Variants in MAP4K3 observed in about 807,000 individuals in gnomAD.
MAP4K3 encodes mitogen-activated protein kinase kinase kinase kinase 3.
MAP4K3 carries 94 observed loss-of-function variants against 143.5 expected under a neutral mutation model. The observed-to-expected ratio is 0.65, with a 90% CI of 0.55 to 0.78. MAP4K3 has a LOEUF of 0.78. MAP4K3 is among the 30% of genes least tolerant of loss of function. The pLI is 0.00. For synonymous variants in MAP4K3, 416 were observed against 347.2 expected (o/e 1.20, Z -2.20); for missense variants, 1,077 against 1,068.1 (o/e 1.01, Z -0.12).
At chr2:39,268,632 C>CTCTTTTTTTTT (rs1389888924) in intron 26 of MAP4K3, among the ~76,000 whole-genome samples, 1 of 45,736 alleles carries the variant, frequency 2.2e-5, no homozygotes, top group African/African-American at 5.6e-5. Context: ...AAGATTTTTT[C>CTCTTTTTTTTT]TATTTTTTTT....
At chr2:39,316,998 C>T (rs1573139879) in intron 12 of MAP4K3, among the ~76,000 whole-genome samples, 1 of 152,226 alleles carries the variant, frequency 6.6e-6, no homozygotes, top group South Asian at 2.1e-4. Flanking sequence ...CATCACATTA[C>T]CTGATTTCAA....
At position 39,250,558 on chromosome 2, in the gene MAP4K3, T is replaced by C; in HGVS notation, c.*60A>G. On this transcript the variant is annotated 3_prime_UTR_variant, in exon 34 of 34. Transcript: ENST00000263881. Reference sequence around the variant, plus strand: ...GCTTTTGTACAGCTTCAAGCATCCATTAATGTTGCAGTGGTAGTGTTCTTT... The same window carrying C: ...GCTTTTGTACAGCTTCAAGCATCCACTAATGTTGCAGTGGTAGTGTTCTTT... 1 of 1,443,136 alleles carries C rather than the reference T, an allele frequency of 6.9e-7. No homozygotes were observed. Among genetic ancestry groups the C allele is most frequent in the Non-Finnish European group, 9.7e-7 (1 of 1,030,262 alleles). 89.4% of individuals were successfully genotyped at this position (1,443,136 alleles called of 1,614,324 possible).
intron 19 of MAP4K3, among the ~76,000 whole-genome samples, chr2:39,288,970 T>C (rs1681915356): frequency 6.6e-6 from 1 of 152,168 alleles, no homozygotes; most frequent in Admixed American, 6.5e-5. Flanking sequence ...GAGAATGGCA[T>C]GAATCCGGGA....
chr2:39,387,521 T>C (rs1049433184), intron 1 of MAP4K3, among the ~76,000 whole-genome samples: 4 of 152,194 alleles, frequency 2.6e-5, no homozygotes, highest in African/African-American at 9.7e-5. Context: ...CTCTAAAATG[T>C]TTGAAACTGG....
At chr2:39,322,801 C>T (rs966702710) in intron 12 of MAP4K3, among the ~76,000 whole-genome samples, 16 of 151,806 alleles carry the variant, frequency 1.1e-4, no homozygotes, top group African/African-American at 3.6e-4. Context: ...CCCTGAATAG[C>T]TGGGATTACA....
chr2:39,261,450 A>ATATTT lies in MAP4K3; in HGVS notation c.2137-674_2137-673insAAATA, dbSNP rs536415576. ...AACCACAATGAGATAAATACTATAC[A>ATATTT]TACCCACCGAATGGCTAAAATTAAA... On this transcript the variant is annotated intron_variant, in intron 28 of 33. Coordinates refer to ENST00000263881, the MANE Select transcript of MAP4K3 (RefSeq NM_003618.4). Among the ~76,000 whole-genome samples the ATATTT allele has an allele frequency of 9.4e-4, 143 of 152,354 alleles. 1 individual carries two copies. The highest frequency in any genetic ancestry group is 3.1e-3 in the African/African-American group (128 of 41,590).
intron 8 of MAP4K3, among the ~76,000 whole-genome samples, chr2:39,329,910 G>C (rs1301524881): frequency 6.6e-6 from 1 of 152,188 alleles, no homozygotes; most frequent in Non-Finnish European, 1.5e-5. Flanking sequence ...GTAAGGATTA[G>C]TGGACATTTG....
intron 28 of MAP4K3, 26 bp downstream of exon 28, chr2:39,265,177 T>C (rs1193067986): frequency 7.2e-7 from 1 of 1,389,384 alleles, no homozygotes; most frequent in Non-Finnish European, 1.0e-6. Flanking sequence ...ATAGTAAGAA[T>C]AAGATAGTCT....
At chr2:39,296,161 TC>T (rs1432399700) in intron 16 of MAP4K3, among the ~76,000 whole-genome samples, 1 of 152,210 alleles carries the variant, frequency 6.6e-6, no homozygotes, top group Non-Finnish European at 1.5e-5. Context: ...TACCTATAAA[TC>T]CCCATTGTGT....
chr2:39,306,793 A>G (rs1682722525), intron 15 of MAP4K3, among the ~76,000 whole-genome samples: 1 of 152,194 alleles, frequency 6.6e-6, no homozygotes, highest in African/African-American at 2.4e-5. Flanking sequence ...GTTCCTACAC[A>G]ATACTGACAT....
At chr2:39,361,150 C>T (rs903335113) in intron 2 of MAP4K3, among the ~76,000 whole-genome samples, 5 of 152,088 alleles carry the variant, frequency 3.3e-5, no homozygotes, top group South Asian at 2.1e-4. Context: ...CTCTGCCTCC[C>T]GTTTCTCTTC....
At chr2:39,399,505 G>A (rs1303405566) in intron 1 of MAP4K3, among the ~76,000 whole-genome samples, 1 of 152,156 alleles carries the variant, frequency 6.6e-6, no homozygotes, top group Non-Finnish European at 1.5e-5. Flanking sequence ...TCTTTGAGGT[G>A]ACCTGGAGTT....
intron 28 of MAP4K3, among the ~76,000 whole-genome samples, chr2:39,264,557 A>G (rs1054356382): frequency 4.6e-5 from 7 of 152,212 alleles, no homozygotes; most frequent in African/African-American, 1.7e-4. Flanking sequence ...GATCAAATGC[A>G]CATGAAATAA....
At chr2:39,322,106 G>C (rs1427821501) in intron 12 of MAP4K3, among the ~76,000 whole-genome samples, 1 of 152,156 alleles carries the variant, frequency 6.6e-6, no homozygotes, top group African/African-American at 2.4e-5. Context: ...CCACAGGTGT[G>C]GAGGGGCAAC....
Position 39,437,044 on chromosome 2 carries a change from G to A in MAP4K3, c.-57C>T, listed in dbSNP as rs1168987350. 4.4e-6 allele frequency: 6 copies of A among 1,364,190 alleles called. No homozygotes were observed. Among genetic ancestry groups the A allele is most frequent in the Non-Finnish European group, 6.1e-6 (6 of 990,126 alleles). The allele number at this position is 1,364,190 out of a possible 1,614,324, so 84.5% of individuals were successfully genotyped here. ...CGGGCAGGGGAGGGGGGCCGCTCAG[G>A]GGGCCACACGGAGAGAGGGCGCCGC... On this transcript the variant is annotated 5_prime_UTR_variant, in exon 1 of 34. Coordinates refer to ENST00000263881, the MANE Select transcript of MAP4K3 (RefSeq NM_003618.4).
At chr2:39,353,768 A>ATAG (rs1463083834) in intron 3 of MAP4K3, among the ~76,000 whole-genome samples, 2 of 151,782 alleles carry the variant, frequency 1.3e-5, no homozygotes, top group African/African-American at 4.9e-5. Context: ...AGCAGCAGCA[A>ATAG]TAGTAGTAGT....
intron 1 of MAP4K3, among the ~76,000 whole-genome samples, chr2:39,412,845 A>T (rs1265006884): frequency 6.6e-6 from 1 of 152,242 alleles, no homozygotes; most frequent in Non-Finnish European, 1.5e-5. Flanking sequence ...ATTAAAAAAA[A>T]AACCTTAAAA....
chr2:39,384,112 TA>T (rs59384266), intron 1 of MAP4K3, among the ~76,000 whole-genome samples: 9,561 of 138,548 alleles, frequency 0.069, 496 homozygotes, highest in African/African-American at 0.15. Context: ...AGACCAGTAT[TA>T]AAAAAAAAAA....
At chr2:39,367,435 G>A (rs1558669387) in intron 2 of MAP4K3, among the ~76,000 whole-genome samples, 1 of 152,066 alleles carries the variant, frequency 6.6e-6, no homozygotes, top group Non-Finnish European at 1.5e-5. Context: ...AGCTACTTGG[G>A]AGGCTTAAAT....
Sources: gnomAD v4.1 joint callset for allele counts (sites outside exome capture counted in the v4.1 genomes callset) on GRCh38, gnomAD v4.1.1 for gene constraint, MANE v1.5 for transcripts, NCBI Gene and HGNC (gene_info 2026-07-23, HGNC 2026-07-21) for gene names.